NEGR1: variants seen among roughly 807,000 people sequenced by gnomAD.
NEGR1 encodes the protein neuronal growth regulator 1.
Under a neutral mutation model 40.9 loss-of-function variants are expected in NEGR1, and 10 were observed. The observed-to-expected ratio is 0.24, with a 90% CI of 0.15 to 0.42. The LOEUF is 0.42. Among genes scored for constraint, NEGR1 ranks in the 10% least tolerant of loss-of-function variants. NEGR1 has a pLI of 1.00. For synonymous variants in NEGR1, 185 were observed against 166.8 expected, an observed-to-expected ratio of 1.11 and a Z score of -0.84; for missense variants, 352 against 438.9, an observed-to-expected ratio of 0.80 and a Z score of 1.77.
At chr1:71,731,011 T>C (rs934835946) in intron 3 of NEGR1, among the ~76,000 whole-genome samples, 1 of 151,938 alleles carries the variant, frequency 6.6e-6, no homozygotes, top group African/African-American at 2.4e-5. Flanking sequence ...TTGTCATTAC[T>C]GGGCTTTTTA....
chr1:71,624,277 G>A (rs1485664895), intron 4 of NEGR1, among the ~76,000 whole-genome samples: 1 of 151,840 alleles, frequency 6.6e-6, no homozygotes, highest in Non-Finnish European at 1.5e-5. Context: ...CACTCCTATA[G>A]TTATCATATT....
intron 1 of NEGR1, among the ~76,000 whole-genome samples, chr1:72,189,874 C>G (rs1046383122): frequency 7.3e-5 from 11 of 151,498 alleles, no homozygotes; most frequent in African/African-American, 2.7e-4. Context: ...AGAAGAAATT[C>G]AAATGTAGGG....
intron 3 of NEGR1, among the ~76,000 whole-genome samples, chr1:71,719,581 G>A (rs1298820725): frequency 6.6e-6 from 1 of 151,648 alleles, no homozygotes; most frequent in African/African-American, 2.4e-5. Flanking sequence ...TGAGTTTCCA[G>A]ACGTTTGAAA....
intron 1 of NEGR1, among the ~76,000 whole-genome samples, chr1:72,247,790 G>A (rs895954928): frequency 6.6e-6 from 1 of 152,026 alleles, no homozygotes; most frequent in African/African-American, 2.4e-5. Flanking sequence ...CCAATTTTCT[G>A]TATTAGGCCA....
intron 1 of NEGR1, among the ~76,000 whole-genome samples, chr1:71,942,472 T>TATATATA (rs1463843459): frequency 1.4e-4 from 2 of 14,680 alleles, no homozygotes; most frequent in Non-Finnish European, 3.2e-4. Context: ...TATATATATA[T>TATATATA]ATATATATAT....
At chr1:72,016,271 A>C (rs1406762331) in intron 1 of NEGR1, among the ~76,000 whole-genome samples, 1 of 152,166 alleles carries the variant, frequency 6.6e-6, no homozygotes, top group African/African-American at 2.4e-5. Flanking sequence ...CATCCTTTAC[A>C]AGGAATTTCT....
intron 1 of NEGR1, among the ~76,000 whole-genome samples, chr1:72,163,759 T>TAGAC (rs768205170): frequency 3.7e-5 from 5 of 136,728 alleles, no homozygotes; most frequent in Admixed American, 2.4e-4. Context: ...GATAGATAGA[T>TAGAC]AGATATAGAT....
intron 4 of NEGR1, among the ~76,000 whole-genome samples, chr1:71,619,040 G>T (rs1650533765): frequency 6.6e-6 from 1 of 152,114 alleles, no homozygotes; most frequent in South Asian, 2.1e-4. Context: ...TGTACTCACA[G>T]ATTTCATGTA....
intron 1 of NEGR1, among the ~76,000 whole-genome samples, chr1:72,084,251 A>C (rs1476007584): frequency 6.6e-6 from 1 of 152,140 alleles, no homozygotes; most frequent in Non-Finnish European, 1.5e-5. Context: ...TCAGCTCTAC[A>C]AAATAGGCCC....
At chr1:72,142,750 T>A (rs1398599701) in intron 1 of NEGR1, among the ~76,000 whole-genome samples, 1 of 149,452 alleles carries the variant, frequency 6.7e-6, no homozygotes, top group African/African-American at 2.4e-5. Flanking sequence ...TTAGTTTTTG[T>A]TTTTTTGTTT....
intron 2 of NEGR1, among the ~76,000 whole-genome samples, chr1:71,844,437 A>G (rs1371946673): frequency 2.0e-5 from 3 of 152,180 alleles, no homozygotes; most frequent in Non-Finnish European, 2.9e-5. Context: ...GGAAAAAATA[A>G]CATTTGATTT....
At chr1:71,652,472 T>A (rs940688960) in intron 4 of NEGR1, among the ~76,000 whole-genome samples, 1 of 152,208 alleles carries the variant, frequency 6.6e-6, no homozygotes, top group African/African-American at 2.4e-5. Context: ...ACAGCCATTT[T>A]TTATAGACAT....
intron 1 of NEGR1, among the ~76,000 whole-genome samples, chr1:71,958,929 TGG>T (rs1427640588): frequency 2.8e-5 from 4 of 144,436 alleles, no homozygotes; most frequent in Admixed American, 7.1e-5. Flanking sequence ...CACTCCAGCC[TGG>T]GCAAGGCTCC....
chr1:71,587,597 T>C (rs1649348563), intron 6 of NEGR1, among the ~76,000 whole-genome samples: 1 of 152,078 alleles, frequency 6.6e-6, no homozygotes, highest in Non-Finnish European at 1.5e-5. Flanking sequence ...TTATGTGTAA[T>C]ATTTCTGAGA....
At chr1:71,921,229 G>A (rs540510294) in intron 2 of NEGR1, among the ~76,000 whole-genome samples, 20 of 152,174 alleles carry the variant, frequency 1.3e-4, no homozygotes, top group Non-Finnish European at 2.8e-4. Context: ...TATATAAAAT[G>A]GTTAACTATA....
At chr1:71,873,716 G>A (rs1172665811) in intron 2 of NEGR1, among the ~76,000 whole-genome samples, 3 of 152,122 alleles carry the variant, frequency 2.0e-5, no homozygotes, top group African/African-American at 4.8e-5. Context: ...AACGTTAGTA[G>A]ACTATGATGG....
intron 6 of NEGR1, among the ~76,000 whole-genome samples, chr1:71,535,997 A>T (rs1647497592): frequency 6.6e-6 from 1 of 151,698 alleles, no homozygotes; most frequent in South Asian, 2.1e-4. Flanking sequence ...AAATGTAGTT[A>T]TTTCTTATTA....
At chr1:71,740,739 T>A (rs541074375) in intron 3 of NEGR1, among the ~76,000 whole-genome samples, 137 of 152,344 alleles carry the variant, frequency 9.0e-4, no homozygotes, top group African/African-American at 3.0e-3. Context: ...TAAATTAAAT[T>A]AAATAATGAA....
At chr1:72,050,178 A>C (rs1396197912) in intron 1 of NEGR1, among the ~76,000 whole-genome samples, 1 of 151,834 alleles carries the variant, frequency 6.6e-6, no homozygotes, top group Admixed American at 6.6e-5. Flanking sequence ...TATAGTATAT[A>C]AAGTTAAATT....
Sources: gnomAD v4.1 joint callset for allele counts (sites outside exome capture counted in the v4.1 genomes callset) on GRCh38, gnomAD v4.1.1 for gene constraint, MANE v1.5 for transcripts, NCBI Gene and HGNC (gene_info 2026-07-23, HGNC 2026-07-21) for gene names.